SLC2A13: variants seen among roughly 807,000 people sequenced by gnomAD.
The protein encoded by SLC2A13 is solute carrier family 2 member 13, also known as proton myo-inositol cotransporter.
In SLC2A13, 32 loss-of-function variants were observed where a neutral mutation model predicts 64.4. The observed-to-expected ratio is 0.50, with a 90% CI of 0.37 to 0.67. The LOEUF is 0.67. Among genes scored for constraint, SLC2A13 ranks in the 30% least tolerant of loss-of-function variants. The probability of loss-of-function intolerance (pLI) is 0.00; values close to 1 mark genes in which losing one functional copy is unlikely to be tolerated. For synonymous variants in SLC2A13, 338 were observed against 327.1 expected (o/e 1.03, Z -0.36); for missense variants, 743 against 829.2 (o/e 0.90, Z 1.28).
chr12:39,857,943 A>AT (rs1943648827), intron 6 of SLC2A13, among the ~76,000 whole-genome samples: 1 of 152,204 alleles, frequency 6.6e-6, no homozygotes, highest in African/African-American at 2.4e-5. Context: ...CCCAAGAAGC[A>AT]TTTTTTGACT....
At chr12:39,976,133 T>A (rs1946753511) in intron 3 of SLC2A13, among the ~76,000 whole-genome samples, 1 of 152,218 alleles carries the variant, frequency 6.6e-6, no homozygotes, top group South Asian at 2.1e-4. Context: ...GATAAGCACC[T>A]GGGGTACCCA....
chr12:39,871,704 A>G (rs576844387), intron 5 of SLC2A13, 94 bp downstream of exon 5: 177 of 1,234,272 alleles, frequency 1.4e-4, no homozygotes, highest in Non-Finnish European at 1.8e-4. Context: ...AGAAACCAAT[A>G]TTAGAAGTGG....
intron 3 of SLC2A13, 22 bp from the exon 4 acceptor site, chr12:39,951,387 A>AT: frequency 1.3e-6 from 2 of 1,550,824 alleles, no homozygotes; most frequent in Non-Finnish European, 8.7e-7. Flanking sequence ...AAGAAAGAAA[A>AT]AAAAAATACA....
chr12:40,043,380 A>C (rs1948125467), intron 2 of SLC2A13, among the ~76,000 whole-genome samples: 1 of 152,184 alleles, frequency 6.6e-6, no homozygotes, highest in African/African-American at 2.4e-5. Flanking sequence ...CTGTAATCCC[A>C]GCACTTTGGG....
intron 1 of SLC2A13, among the ~76,000 whole-genome samples, chr12:40,072,093 A>G (rs1413678661): frequency 6.6e-6 from 1 of 152,086 alleles, no homozygotes; most frequent in Non-Finnish European, 1.5e-5. Context: ...TGAATCCCAC[A>G]AATTTTCATT....
chr12:39,802,060 T>C (rs1159693575), intron 7 of SLC2A13, among the ~76,000 whole-genome samples: 2 of 152,124 alleles, frequency 1.3e-5, no homozygotes, highest in South Asian at 2.1e-4. Context: ...AAAAGTGATA[T>C]AATAGAGAAG....
chr12:39,926,190 T>C (rs1176775489), intron 4 of SLC2A13, among the ~76,000 whole-genome samples: 2 of 152,090 alleles, frequency 1.3e-5, no homozygotes, highest in African/African-American at 4.8e-5. Flanking sequence ...TCCTCAATTA[T>C]AGAAAAATAT....
intron 3 of SLC2A13, among the ~76,000 whole-genome samples, chr12:39,966,555 T>C (rs1946519945): frequency 6.6e-6 from 1 of 152,018 alleles, no homozygotes; most frequent in African/African-American, 2.4e-5. Flanking sequence ...TAGAAAAAAA[T>C]AATATTGGTA....
chr12:39,880,824 C>T (rs1944320264), intron 4 of SLC2A13, among the ~76,000 whole-genome samples: 2 of 152,324 alleles, frequency 1.3e-5, no homozygotes, highest in South Asian at 4.1e-4. Flanking sequence ...AGCCACATCA[C>T]TGACTTTCCT....
At chr12:39,971,029 T>C (rs1946638283) in intron 3 of SLC2A13, among the ~76,000 whole-genome samples, 2 of 152,206 alleles carry the variant, frequency 1.3e-5, no homozygotes, top group Admixed American at 6.5e-5. Context: ...GTCACTAATA[T>C]ATATTTTAGC....
intron 4 of SLC2A13, among the ~76,000 whole-genome samples, chr12:39,922,703 G>A (rs1043379394): frequency 6.6e-6 from 1 of 152,108 alleles, no homozygotes; most frequent in African/African-American, 2.4e-5. Context: ...AAAACACAAA[G>A]GGTCAAGCCT....
intron 3 of SLC2A13, among the ~76,000 whole-genome samples, chr12:39,969,313 C>T (rs1162237750): frequency 2.6e-5 from 4 of 152,070 alleles, no homozygotes; most frequent in Admixed American, 2.6e-4. Context: ...GGGTATATAC[C>T]CAGTAATGGG....
At chr12:39,879,458 A>C (rs931010587) in intron 4 of SLC2A13, among the ~76,000 whole-genome samples, 2 of 152,226 alleles carry the variant, frequency 1.3e-5, no homozygotes, top group Non-Finnish European at 2.9e-5. Context: ...AAGGTGCCCA[A>C]GGCCTTGGGA....
intron 6 of SLC2A13, among the ~76,000 whole-genome samples, chr12:39,859,588 T>C (rs1943704371): frequency 6.6e-6 from 1 of 152,084 alleles, no homozygotes; most frequent in African/African-American, 2.4e-5. Flanking sequence ...AGTGGCACCA[T>C]CTCAGCTCAC....
chr12:40,007,416 T>C (rs939699999), intron 3 of SLC2A13, among the ~76,000 whole-genome samples: 4 of 152,054 alleles, frequency 2.6e-5, no homozygotes. Flanking sequence ...TTTTTTGCTA[T>C]CCAAAAAAAA....
chr12:39,770,719 A>T (rs1252080339), intron 7 of SLC2A13, among the ~76,000 whole-genome samples: 2 of 152,148 alleles, frequency 1.3e-5, no homozygotes, highest in Admixed American at 6.5e-5. Flanking sequence ...AGTGCCCCTC[A>T]TGACATTTCT....
intron 6 of SLC2A13, among the ~76,000 whole-genome samples, chr12:39,860,216 C>CT (rs1422967753): frequency 3.3e-5 from 5 of 152,122 alleles, no homozygotes; most frequent in Admixed American, 6.5e-5. Flanking sequence ...AGTAAGGAAA[C>CT]TAAGTAAGAT....
At chr12:40,081,393 TTTTA>T (rs941040091) in intron 1 of SLC2A13, among the ~76,000 whole-genome samples, 2 of 152,158 alleles carry the variant, frequency 1.3e-5, no homozygotes, top group African/African-American at 4.8e-5. Flanking sequence ...TTTTGTTCAT[TTTTA>T]TTTTTTTTAT....
chr12:39,986,108 A>G (rs1429393608), intron 3 of SLC2A13, among the ~76,000 whole-genome samples: 1 of 151,934 alleles, frequency 6.6e-6, no homozygotes, highest in Non-Finnish European at 1.5e-5. Flanking sequence ...CTTGGTTCCA[A>G]TTGTGAGGGT....
Sources: allele counts gnomAD v4.1 joint callset (sites outside exome capture counted in the v4.1 genomes callset), GRCh38; gene constraint gnomAD v4.1.1; transcripts MANE v1.5; gene names NCBI Gene and HGNC (gene_info 2026-07-23, HGNC 2026-07-21).